The following RPS6KC1 variants were observed in gnomAD, a reference collection of about 807,000 sequenced individuals.
RPS6KC1 encodes the protein inactive ribosomal protein S6 kinase delta-1.
A neutral mutation model predicts 103.8 loss-of-function variants in RPS6KC1; 54 were observed. The ratio of observed to expected loss-of-function variants is 0.52; its 90% CI spans 0.42 to 0.65. The LOEUF is 0.65. RPS6KC1 is among the 30% of genes least tolerant of loss of function. The pLI is 0.00. For synonymous variants in RPS6KC1, 439 were observed against 438.7 expected (o/e 1.00, Z -0.01); for missense variants, 1,151 against 1,253.8 (o/e 0.92, Z 1.24).
the RPS6KC1 span, among the ~76,000 whole-genome samples, chr1:213,522,731 A>G: frequency 1.3e-5 from 2 of 152,158 alleles, no homozygotes; most frequent in Non-Finnish European, 2.9e-5. Flanking sequence ...ATTTTCTTCT[A>G]GAGCTTCCTC....
chr1:213,650,667 C>G, the RPS6KC1 span, among the ~76,000 whole-genome samples: 3 of 152,152 alleles, frequency 2.0e-5, no homozygotes, highest in Admixed American at 2.0e-4. Context: ...TTCAAGGAAA[C>G]TTGGACAAGT....
chr1:213,334,615 A>G, the RPS6KC1 span, among the ~76,000 whole-genome samples: 1 of 152,184 alleles, frequency 6.6e-6, no homozygotes, highest in East Asian at 1.9e-4. Flanking sequence ...TGCACACTTT[A>G]TGAAAACATA....
the RPS6KC1 span, among the ~76,000 whole-genome samples, chr1:213,744,182 C>T: frequency 2.0e-5 from 3 of 152,032 alleles, no homozygotes; most frequent in Non-Finnish European, 2.9e-5. Context: ...ACAGTGTACA[C>T]TGCTCGGGTG....
At chr1:213,129,031 C>T (rs2085299609) in intron 5 of RPS6KC1, among the ~76,000 whole-genome samples, 1 of 152,164 alleles carries the variant, frequency 6.6e-6, no homozygotes, top group Non-Finnish European at 1.5e-5. Context: ...CTTGGTGGCT[C>T]ATGCCATCTA....
chr1:213,157,045 A>AT (rs2089970303), intron 6 of RPS6KC1, among the ~76,000 whole-genome samples: 1 of 152,178 alleles, frequency 6.6e-6, no homozygotes, highest in Admixed American at 6.5e-5. Flanking sequence ...GTTTAAAACT[A>AT]TTAGTGTCCC....
At chr1:213,283,616 A>G in the RPS6KC1 span, among the ~76,000 whole-genome samples, 1 of 152,146 alleles carries the variant, frequency 6.6e-6, no homozygotes. Flanking sequence ...AACACCTGGT[A>G]AGTGCTAAGA....
intron 8 of RPS6KC1, among the ~76,000 whole-genome samples, chr1:213,207,869 C>T (rs2093397533): frequency 6.6e-6 from 1 of 152,108 alleles, no homozygotes; most frequent in African/African-American, 2.4e-5. Flanking sequence ...GACAGGGTTT[C>T]ACCATGTTGG....
At chr1:213,557,586 G>T in the RPS6KC1 span, among the ~76,000 whole-genome samples, 10 of 152,096 alleles carry the variant, frequency 6.6e-5, no homozygotes, top group Non-Finnish European at 1.5e-4. Context: ...TGATTTGAAG[G>T]TATTTATAAG....
the RPS6KC1 span, among the ~76,000 whole-genome samples, chr1:213,481,885 A>G: frequency 6.6e-6 from 1 of 152,194 alleles, no homozygotes; most frequent in South Asian, 2.1e-4. Context: ...TGGTTGGATC[A>G]TGGGGGTGGA....
In RPS6KC1 at chr1:213,241,758, A is replaced by G. The variant is rs765070398; in HGVS notation, c.2282A>G (p.Tyr761Cys). 1.1e-5 allele frequency: 18 copies of G among 1,613,930 alleles called. No homozygotes were observed. The highest frequency in any genetic ancestry group is 1.3e-5 in the Non-Finnish European group (15 of 1,179,956). The stretch of plus-strand genomic sequence containing the variant: ...AGTGATCCCTCTGGGCCCAAATCCT[A>G]TAGTATAACAGAGAAACACTATGCA... Reference protein sequence around the residue: ...ELSDPSGPKSYSITEKHYAQE... With the variant: ...ELSDPSGPKSCSITEKHYAQE... Residue 761 changes from tyrosine (Y) to cysteine (C), a missense_variant, in exon 11 of 15, where the codon TAT becomes TGT. Tyr to Cys is a radical substitution (Grantham distance 194). Around this residue, in one of 3 missense-constraint regions of RPS6KC1, gnomAD observed 959 missense variants for 1,006.3 expected, o/e 0.95. Transcript: ENST00000366960.
the RPS6KC1 span, among the ~76,000 whole-genome samples, chr1:213,298,689 A>T: frequency 6.6e-6 from 1 of 151,950 alleles, no homozygotes; most frequent in African/African-American, 2.4e-5. Context: ...TTCAGCAATC[A>T]TCTTTTTAAT....
chr1:213,829,173 T>C, the RPS6KC1 span, among the ~76,000 whole-genome samples: 1 of 148,816 alleles, frequency 6.7e-6, no homozygotes, highest in African/African-American at 2.5e-5. Context: ...GCCTCCTACA[T>C]GCAAACAATT....
chr1:213,506,600 G>A, the RPS6KC1 span, among the ~76,000 whole-genome samples: 21 of 152,214 alleles, frequency 1.4e-4, no homozygotes, highest in African/African-American at 5.1e-4. Context: ...ACTAAAAAAG[G>A]AGTGAGAATA....
the RPS6KC1 span, among the ~76,000 whole-genome samples, chr1:213,524,081 G>A: frequency 6.6e-6 from 1 of 152,108 alleles, no homozygotes; most frequent in African/African-American, 2.4e-5. Flanking sequence ...CTGCAGTATG[G>A]TCCTATTATG....
chr1:213,362,835 A>T, the RPS6KC1 span, among the ~76,000 whole-genome samples: 1 of 152,166 alleles, frequency 6.6e-6, no homozygotes, highest in Non-Finnish European at 1.5e-5. Context: ...TTAATAGAAG[A>T]AAAAATACTG....
chr1:213,178,306 G>A (rs553719696), intron 8 of RPS6KC1, among the ~76,000 whole-genome samples: 6 of 151,984 alleles, frequency 3.9e-5, no homozygotes, highest in South Asian at 2.1e-4. Flanking sequence ...CTGGGAGGCC[G>A]AGGCCAGTGG....
the RPS6KC1 span, among the ~76,000 whole-genome samples, chr1:213,537,683 C>A: frequency 6.6e-6 from 1 of 152,072 alleles, no homozygotes; most frequent in Non-Finnish European, 1.5e-5. Context: ...GGTAGTCACC[C>A]AGAATTCTAG....
chr1:213,087,167 C>T (rs1414916485), intron 3 of RPS6KC1, among the ~76,000 whole-genome samples: 1 of 151,968 alleles, frequency 6.6e-6, no homozygotes, highest in Non-Finnish European at 1.5e-5. Flanking sequence ...CCACCTTTTT[C>T]TCAATGAAGT....
At chr1:213,163,777 C>T (rs2148118460) in intron 6 of RPS6KC1, among the ~76,000 whole-genome samples, 1 of 152,134 alleles carries the variant, frequency 6.6e-6, no homozygotes, top group South Asian at 2.1e-4. Flanking sequence ...TCAGAAAGAC[C>T]TGTTCTCTTT....
Sources: gnomAD v4.1 joint callset for allele counts (sites outside exome capture counted in the v4.1 genomes callset) on GRCh38, gnomAD v4.1.1 for gene constraint, gnomAD v4.1.1 regional missense constraint, MANE v1.5 for transcripts, NCBI Gene and HGNC (gene_info 2026-07-23, HGNC 2026-07-21) for gene names.